The following MBOAT7 variants were observed in gnomAD, a reference collection of about 807,000 sequenced individuals.
MBOAT7 encodes the protein membrane bound acylglycerophosphatidylinositol O-acyltransferase MBOAT7.
A neutral mutation model predicts 47.4 loss-of-function variants in MBOAT7; 40 were observed. That is an observed-to-expected ratio of 0.84 (90% CI 0.66 to 1.10). MBOAT7 has a LOEUF of 1.10. MBOAT7 is among the 50% of genes least tolerant of loss of function. The pLI, the probability that MBOAT7 is intolerant of heterozygous loss-of-function variation, is 0.00. For synonymous variants in MBOAT7, 361 were observed against 292.0 expected, an observed-to-expected ratio of 1.24 and a Z score of -2.41; for missense variants, 680 against 655.6, an observed-to-expected ratio of 1.04 and a Z score of -0.41.
At position 54,188,518 on chromosome 19, in the gene MBOAT7, G is replaced by A; in HGVS notation, c.-3-7C>T. ...ATTCTTCAGGCGACATGGTCTGGGG[G>A]AGGGGCAGAGATTCACAGTGAGAAC... On this transcript the variant is annotated splice_region_variant and splice_polypyrimidine_tract_variant and intron_variant, in intron 1 of 7. Transcript: ENST00000245615. 6.4e-7 allele frequency: 1 copy of A among 1,551,676 alleles called. No homozygotes were observed. Among genetic ancestry groups the A allele is most frequent in the Non-Finnish European group, 8.7e-7 (1 of 1,146,910 alleles).
chr19:54,178,801 A>G lies in MBOAT7; in HGVS notation c.995T>C (p.Ile332Thr). The G allele has an allele frequency of 6.2e-7, 1 of 1,613,380 alleles. No individual in the cohort carries two copies. Among genetic ancestry groups the G allele is most frequent in the Non-Finnish European group, 8.5e-7 (1 of 1,180,008 alleles). The change falls in exon 7 of 8, where the codon ATC (isoleucine) becomes ACC (threonine). Residue 332 changes from isoleucine to threonine, a missense_variant. Ile to Thr is a moderately conservative substitution (Grantham distance 89). Coordinates refer to ENST00000245615, the MANE Select transcript of MBOAT7 (RefSeq NM_024298.5). ...MTVQWWLAQY[I>T]YKSAPARSYV... ...GGAACGGGCAGGTGCGCTCTTGTAG[A>G]TATACTGCGCCAGCCACCACTGCAC...
intron 4 of MBOAT7, among the ~76,000 whole-genome samples, chr19:54,185,598 A>ACTCGGAC (rs2076407855): frequency 1.3e-5 from 2 of 152,192 alleles, no homozygotes; most frequent in South Asian, 4.2e-4. Context: ...TGTCACCTGG[A>ACTCGGAC]CTCGGACAAA....
At position 54,180,743 on chromosome 19, in the gene MBOAT7, T is replaced by C. The variant is rs2076238356; in HGVS notation, c.854+30A>G. ...GCCCTTGGAGGTGGGGGCTGCTGGG[T>C]CTTGGGAAGCCTCCCTCGCGCCGCC... On this transcript the variant is annotated intron_variant, in intron 6 of 7. Transcript: ENST00000245615. The surrounding 1 kb of genome is among the most constrained non-coding windows in gnomAD (Gnocchi z 5.2). 2.0e-6 allele frequency: 3 copies of C among 1,480,326 alleles called. No homozygotes were observed. The highest frequency in any genetic ancestry group is 2.7e-6 in the Non-Finnish European group (3 of 1,123,150). 91.7% of individuals were successfully genotyped at this position (1,480,326 alleles called of 1,614,324 possible).
At chr19:54,184,952 AT>A (rs1425020283) in intron 4 of MBOAT7, among the ~76,000 whole-genome samples, 1 of 150,110 alleles carries the variant, frequency 6.7e-6, no homozygotes, top group Non-Finnish European at 1.5e-5. Flanking sequence ...GCTCACACCT[AT>A]AACACTAGCA....
Position 54,183,745 on chromosome 19 carries a change from C to T in MBOAT7, c.334-65G>A, listed in dbSNP as rs146778597. On this transcript the variant is annotated intron_variant, in intron 4 of 7. Coordinates refer to ENST00000245615, the MANE Select transcript of MBOAT7 (RefSeq NM_024298.5). ...TGGGCCCTTCCCCACACCCATCTCC[C>T]TTGCGCGGCTGCCCTCGGCAGCCAA... 673 of 1,442,168 alleles carry T rather than the reference C, an allele frequency of 4.7e-4. 7 individuals are homozygous for T. The East Asian group carries it at 0.015, about 31-fold the overall frequency. 89.3% of individuals were successfully genotyped at this position (1,442,168 alleles called of 1,614,324 possible).
At position 54,175,913 on chromosome 19, in the gene MBOAT7, C is replaced by T. The variant is rs569707243; in HGVS notation, c.1032-1482G>A. ...CTAATTTTTGTATTTCTGGTAAAGA[C>T]GGGGTTTCACCATGTTGGCCAGGAT... On this transcript the variant is annotated intron_variant, in intron 7 of 7. Coordinates refer to ENST00000245615, the MANE Select transcript of MBOAT7 (RefSeq NM_024298.5). Among the ~76,000 whole-genome samples the T allele has an allele frequency of 5.0e-4, 76 of 152,280 alleles. 2 individuals are homozygous for T. In the South Asian group the frequency reaches 0.014, roughly 29 times the overall value.
chr19:54,177,869 G>A lies in MBOAT7; in HGVS notation c.1031+896C>T, dbSNP rs542037483. Among the ~76,000 whole-genome samples, 12 of 140,882 alleles carry A rather than the reference G, an allele frequency of 8.5e-5. 1 individual carries two copies. In the South Asian group the frequency reaches 2.7e-3, roughly 32 times the overall value. The allele number at this position is 140,882 out of a possible 152,430, so 92.4% of individuals were successfully genotyped here. A position where few individuals can be genotyped will look rare whatever the true frequency, so the allele number is the denominator to read the frequency against. On this transcript the variant is annotated intron_variant, in intron 7 of 7. Coordinates refer to ENST00000245615, the MANE Select transcript of MBOAT7 (RefSeq NM_024298.5). ...CAAACTGCTGGGATTACAAGTGTGA[G>A]CCACCATGCCTGGCTATGAGTTCTA...
At chr19:54,179,774 C>T (rs1600647377) in intron 6 of MBOAT7, 1 of 152,290 alleles carries the variant, frequency 6.6e-6, no homozygotes, top group Middle Eastern at 3.4e-3. Context: ...GTCACTACCC[C>T]CACAACAGAA....
chr19:54,177,483 G>C (rs2076141313), intron 7 of MBOAT7, among the ~76,000 whole-genome samples: 1 of 151,886 alleles, frequency 6.6e-6, no homozygotes. Context: ...TTTTAGTAGA[G>C]ACAGGGTTTC....
chr19:54,187,090 G>C, intron 4 of MBOAT7, 71 bp downstream of exon 4: 1 of 1,493,674 alleles, frequency 6.7e-7, no homozygotes, highest in East Asian at 2.5e-5. Context: ...AGCCACTGAA[G>C]GGGGAGGTAA....
chr19:54,186,935 AC>A (rs3214537), intron 4 of MBOAT7: 122,025 of 573,348 alleles, frequency 0.21, 14,793 homozygotes, highest in East Asian at 0.47. Flanking sequence ...ACCTACTGTT[AC>A]CCTATGTGGG....
Position 54,188,357 on chromosome 19 carries a change from A to G in MBOAT7, c.77-11T>C. 1 of 1,612,232 alleles carries G rather than the reference A, an allele frequency of 6.2e-7. No individual in the cohort carries two copies. Among genetic ancestry groups the G allele is most frequent in the South Asian group, 1.1e-5 (1 of 90,836 alleles). On this transcript the variant is annotated splice_polypyrimidine_tract_variant and intron_variant, in intron 2 of 7. Transcript: ENST00000245615. Reference sequence around the variant, plus strand: ...TCTTCAGCCCAGGACCTGCAGGGGGAAGGGACAGCATAAGCCTGGAACCTT... The same window carrying G: ...TCTTCAGCCCAGGACCTGCAGGGGGGAGGGACAGCATAAGCCTGGAACCTT...
intron 6 of MBOAT7, chr19:54,179,142 G>A (rs1334425219): frequency 4.6e-6 from 3 of 648,946 alleles, no homozygotes; most frequent in Admixed American, 3.0e-5. Flanking sequence ...TGGGCTGGGT[G>A]GTACAGTCCA....
chr19:54,178,903 G>C lies in MBOAT7; in HGVS notation c.893C>G (p.Thr298Ser). Residue 298 changes from threonine to serine, a missense_variant, in exon 7 of 8, where the codon ACC (threonine) becomes AGC (serine). Transcript: ENST00000245615. ...KAASLEYDYE[T>S]IRNIDCYSTD... ...GCTGTAGCAGTCGATGTTGCGGATG[G>C]TCTCATAGTCATACTCCAAGGAAGC... 6.2e-7 allele frequency: 1 copy of C among 1,613,442 alleles called. No homozygotes were observed. The highest frequency in any genetic ancestry group is 8.5e-7 in the Non-Finnish European group (1 of 1,180,002).
At chr19:54,175,815 C>T (rs1379463961) in intron 7 of MBOAT7, among the ~76,000 whole-genome samples, 1 of 152,206 alleles carries the variant, frequency 6.6e-6, no homozygotes, top group East Asian at 1.9e-4. Context: ...ACCTCTGCCT[C>T]CTGGGTTCAA....
In MBOAT7 at chr19:54,188,247, C is replaced by T. The variant is rs951657275; in HGVS notation, c.176G>A (p.Gly59Glu). 3 of 1,613,604 alleles carry T rather than the reference C, an allele frequency of 1.9e-6. No individual in the cohort carries two copies. Among genetic ancestry groups the T allele is most frequent in the African/African-American group, 2.7e-5 (2 of 74,892 alleles). Residue 59 changes from glycine to glutamate, a missense_variant, in exon 3 of 8, where the codon GGG (glycine) becomes GAG (glutamate). Physicochemically the swap from Gly to Glu is moderately conservative, Grantham distance 98. Coordinates refer to ENST00000245615, the MANE Select transcript of MBOAT7 (RefSeq NM_024298.5). ...CTGGGCCTGAATGAGGGCCCAGGTC[C>T]CGAGGATGGTGACCAGAGAATGCAA... ...HTLHSLVTIL[G>E]TWALIQAQPC...
intron 1 of MBOAT7, among the ~76,000 whole-genome samples, 158 bp from the exon 2 acceptor site, chr19:54,188,669 A>G (rs36625): frequency 0.39 from 59,891 of 151,756 alleles, 12,618 homozygotes; most frequent in East Asian, 0.57. Context: ...CTAGCAACCC[A>G]GACTCCAGCC....
Position 54,188,238 on chromosome 19 carries a change from G to T in MBOAT7, c.185C>A (p.Ala62Asp). The part of the protein sequence containing the change: ...HSLVTILGTW[A>D]LIQAQPCSCH... Reference sequence around the variant, plus strand: ...TCACCAGGGCTGGGCCTGAATGAGGGCCCAGGTCCCGAGGATGGTGACCAG... The same window carrying T: ...TCACCAGGGCTGGGCCTGAATGAGGTCCCAGGTCCCGAGGATGGTGACCAG... The change falls in exon 3 of 8, where the codon GCC becomes GAC. Residue 62 changes from alanine to aspartate, a missense_variant. Physicochemically the swap from Ala to Asp is moderately radical, Grantham distance 126 (BLOSUM62 -2). Coordinates refer to ENST00000245615, the MANE Select transcript of MBOAT7 (RefSeq NM_024298.5). 1 of 1,613,216 alleles carries T rather than the reference G, an allele frequency of 6.2e-7. No individual in the cohort carries two copies. Among genetic ancestry groups the T allele is most frequent in the Non-Finnish European group, 8.5e-7 (1 of 1,179,676 alleles).
rs375415594 is a variant in MBOAT7 at position 54,178,619 on chromosome 19, A to G, written c.1031+146T>C. ...ACCGGCATGCTGCCACTATAATTAG[A>G]GGCAGGGCAAAACCAGGCTAAACAA... On this transcript the variant is annotated intron_variant, in intron 7 of 7. Coordinates refer to ENST00000245615, the MANE Select transcript of MBOAT7 (RefSeq NM_024298.5). 1.2e-5 allele frequency: 17 copies of G among 1,432,686 alleles called. No homozygotes were observed. In the East Asian group the frequency reaches 2.3e-4, roughly 19 times the overall value. The allele number at this position is 1,432,686 out of a possible 1,614,324, so 88.7% of individuals were successfully genotyped here. A position where few individuals can be genotyped will look rare whatever the true frequency, so the allele number is the denominator to read the frequency against.
Sources: allele counts gnomAD v4.1 joint callset (sites outside exome capture counted in the v4.1 genomes callset), GRCh38; gene constraint gnomAD v4.1.1; non-coding constraint Gnocchi (gnomAD v3.1); transcripts MANE v1.5; gene names NCBI Gene and HGNC (gene_info 2026-07-23, HGNC 2026-07-21).